Variants in ABCA10 observed in about 807,000 individuals in gnomAD.
ABCA10 encodes ATP-binding cassette sub-family A member 10.
Under a neutral mutation model 187.5 loss-of-function variants are expected in ABCA10, and 169 were observed. That is an observed-to-expected ratio of 0.90 (90% confidence interval 0.80 to 1.02). The LOEUF is 1.02. ABCA10 is among the 50% of genes least tolerant of loss of function. The pLI is 0.00. For synonymous variants in ABCA10, 574 were observed against 601.8 expected (o/e 0.95, Z 0.68); for missense variants, 1,727 against 1,812.4 (o/e 0.95, Z 0.86).
chr17:69,231,558 C>T (rs200625524), upstream of ABCA10, among the ~76,000 whole-genome samples: 16 of 152,172 alleles, frequency 1.1e-4, no homozygotes, highest in East Asian at 2.5e-3. Context: ...GTTTAATGTC[C>T]GTGTATTTGT....
intron 1 of ABCA10, among the ~76,000 whole-genome samples, chr17:69,242,612 G>A (rs1042609723): frequency 7.9e-5 from 12 of 152,148 alleles, no homozygotes; most frequent in African/African-American, 1.9e-4. Context: ...TTACAGGCAC[G>A]TGCCACCACA....
intron 11 of ABCA10, 60 bp from the exon 12 acceptor site, chr17:69,194,555 T>A: frequency 8.0e-7 from 1 of 1,244,470 alleles, no homozygotes; most frequent in Non-Finnish European, 1.1e-6. Context: ...GAATGGACCT[T>A]AAAATTGGAA....
chr17:69,218,891 CCTCA>C lies in ABCA10; in HGVS notation c.530+650_530+653del, dbSNP rs556979784. Among the ~76,000 whole-genome samples, 4 of 152,260 alleles carry C rather than the reference CCTCA, an allele frequency of 2.6e-5. No individual in the cohort carries two copies. In the South Asian group the frequency reaches 8.3e-4, roughly 32 times the overall value. ...AAAATTATTTGAACTTTTTTCTGCT[CCTCA>C]CTGTTATGAAAAGCAGCATAATTTC... On this transcript the variant is annotated intron_variant, in intron 6 of 38. Transcript: ENST00000690296.
intron 11 of ABCA10, 113 bp downstream of exon 11, chr17:69,196,951 C>T (rs564815626): frequency 2.6e-5 from 19 of 732,174 alleles, no homozygotes; most frequent in Admixed American, 1.0e-4. Flanking sequence ...TGCAGTGAGC[C>T]GAGATGGCGG....
chr17:69,226,931 C>T (rs2074798367), intron 2 of ABCA10, among the ~76,000 whole-genome samples: 2 of 151,644 alleles, frequency 1.3e-5, no homozygotes, highest in African/African-American at 4.8e-5. Context: ...GTCAGATGAG[C>T]TTTTTAGTTA....
In ABCA10 at chr17:69,214,609, G is replaced by A. The variant is rs2074688957; in HGVS notation, c.1006+95C>T. On this transcript the variant is annotated intron_variant, in intron 9 of 38. Coordinates refer to ENST00000690296, the MANE Select transcript of ABCA10 (RefSeq NM_001377321.1). Reference sequence around the variant, plus strand: ...TGAAATTTTTTCTTCTCTACTATCAGAAATGCTTCTTAAGTTACAAATAAA... The same window carrying A: ...TGAAATTTTTTCTTCTCTACTATCAAAAATGCTTCTTAAGTTACAAATAAA... The A allele has an allele frequency of 2.6e-6, 3 of 1,139,594 alleles. No homozygotes were observed. The East Asian group carries it at 8.7e-5, about 33-fold the overall frequency. 70.6% of individuals were successfully genotyped at this position (1,139,594 alleles called of 1,614,324 possible). A position where few individuals can be genotyped will look rare whatever the true frequency, so the allele number is the denominator to read the frequency against.
intron 6 of ABCA10, among the ~76,000 whole-genome samples, chr17:69,216,574 T>C (rs1379335379): frequency 1.3e-5 from 2 of 152,218 alleles, no homozygotes; most frequent in East Asian, 3.8e-4. Context: ...ATATGGTTGT[T>C]CTGAGAAATA....
intron 9 of ABCA10, among the ~76,000 whole-genome samples, chr17:69,204,843 G>A (rs2074579132): frequency 6.6e-6 from 1 of 152,154 alleles, no homozygotes; most frequent in South Asian, 2.1e-4. Flanking sequence ...TAAAAATTTA[G>A]ATTGACCAGG....
rs2144805424 is a variant in ABCA10 at position 69,193,500 on chromosome 17, TCTC to T, written c.1631_1633del (p.Gly544del). On this transcript the variant is annotated inframe_deletion, in exon 14 of 39. Transcript: ENST00000690296. ...ATATATTTTTTCTCTCACCTGAGGA[TCTC>T]CTAAGATGGCAATCCCTAGTGTTAG... is the stretch of plus-strand genomic sequence containing the variant. 1 of 1,611,032 alleles carries T rather than the reference TCTC, an allele frequency of 6.2e-7. No homozygotes were observed. Among genetic ancestry groups the T allele is most frequent in the Non-Finnish European group, 8.5e-7 (1 of 1,179,046 alleles).
chr17:69,184,847 ATATGTG>A (rs2074407769), intron 20 of ABCA10, among the ~76,000 whole-genome samples: 1 of 84,984 alleles, frequency 1.2e-5, no homozygotes, highest in Admixed American at 1.1e-4. Context: ...ATATATATGT[ATATGTG>A]TGTGTGTGTG....
In ABCA10 at chr17:69,177,955, C is replaced by CAA. The variant is rs11320201; in HGVS notation, c.2770-2444_2770-2443dup. 2.6e-4 allele frequency among the ~76,000 whole-genome samples: 17 copies of CAA among 64,948 alleles called. No homozygotes were observed. In the South Asian group the frequency reaches 2.9e-3, roughly 11 times the overall value. 42.6% of individuals were successfully genotyped at this position (64,948 alleles called of 152,430 possible). ...TGGGTGACAGAATGAGACTCCATTT[C>CAA]AAAAAAAAAAAAAAAAAAATATATA... On this transcript the variant is annotated intron_variant, in intron 22 of 38. Coordinates refer to ENST00000690296, the MANE Select transcript of ABCA10 (RefSeq NM_001377321.1).
rs2074802229 is a variant in ABCA10, at chr17:69,227,285, G to T, written c.-312C>A. 6.6e-6 allele frequency: 1 copy of T among 150,816 alleles called. No individual in the cohort carries two copies. The highest frequency in any genetic ancestry group is 1.5e-5 in the Non-Finnish European group (1 of 67,468). 9.3% of individuals were successfully genotyped at this position (150,816 alleles called of 1,614,324 possible). A position where few individuals can be genotyped will look rare whatever the true frequency, so the allele number is the denominator to read the frequency against. On this transcript the variant is annotated splice_region_variant and 5_prime_UTR_variant, in exon 2 of 39. Transcript: ENST00000690296. ...GTAAAGTAAATATTGCAGAGCAATA[G>T]CTAGGGGAAAAAAGAAAAAAAAAAA... is the stretch of plus-strand genomic sequence containing the variant.
chr17:69,244,341 A>G (rs1048689156), intron 1 of ABCA10: 2 of 152,122 alleles, frequency 1.3e-5, no homozygotes, highest in Non-Finnish European at 2.9e-5. Context: ...ATCATTTTTA[A>G]TATGAGCTAC....
chr17:69,244,464 T>C (rs1185988666), intron 1 of ABCA10: 6 of 151,840 alleles, frequency 4.0e-5, no homozygotes, highest in Non-Finnish European at 7.4e-5. Context: ...ATATTTATTT[T>C]TCTTAAAGAG....
chr17:69,222,272 C>A (rs537949346), intron 4 of ABCA10, among the ~76,000 whole-genome samples: 3 of 150,210 alleles, frequency 2.0e-5, no homozygotes, highest in African/African-American at 7.4e-5. Flanking sequence ...CGGGAGGCAG[C>A]GGTTCCAGTG....
intron 22 of ABCA10, among the ~76,000 whole-genome samples, chr17:69,179,744 C>T (rs548137088): frequency 1.3e-5 from 2 of 152,180 alleles, no homozygotes; most frequent in African/African-American, 4.8e-5. Flanking sequence ...TTTAGCAACA[C>T]CCAGAGGCCC....
At chr17:69,158,781 C>T (rs1302622684) in intron 27 of ABCA10, among the ~76,000 whole-genome samples, 1 of 151,782 alleles carries the variant, frequency 6.6e-6, no homozygotes, top group Non-Finnish European at 1.5e-5. Flanking sequence ...TTGAATTGAT[C>T]AAAATATATA....
chr17:69,154,145 A>G, intron 31 of ABCA10, 90 bp downstream of exon 31: 2 of 1,438,514 alleles, frequency 1.4e-6, no homozygotes, highest in Admixed American at 2.3e-5. Context: ...TCTTTCATCT[A>G]TTTTTTAAAA....
At chr17:69,227,521 T>TTC (rs2074803977) in intron 1 of ABCA10, among the ~76,000 whole-genome samples, 1 of 151,948 alleles carries the variant, frequency 6.6e-6, no homozygotes, top group Admixed American at 6.6e-5. Context: ...TATAAGACCT[T>TTC]TCTCCTTTTG....
Sources: gnomAD v4.1 joint callset for allele counts (sites outside exome capture counted in the v4.1 genomes callset) on GRCh38, gnomAD v4.1.1 for gene constraint, MANE v1.5 for transcripts, NCBI Gene and HGNC (gene_info 2026-07-23, HGNC 2026-07-21) for gene names.